The following ATXN10 variants were observed in gnomAD, a reference collection of about 807,000 sequenced individuals.
The protein encoded by ATXN10 is ataxin-10.
In ATXN10, 28 loss-of-function variants were observed where a neutral mutation model predicts 52.9. The observed-to-expected ratio is 0.53, with a 90% CI of 0.39 to 0.73. The LOEUF (loss-of-function observed/expected upper bound fraction) is 0.73. Ranked by LOEUF, ATXN10 falls within the 30% of genes least tolerant of loss-of-function variation. The probability of loss-of-function intolerance (pLI) is 0.00; values close to 1 mark genes in which losing one functional copy is unlikely to be tolerated. For missense variants in ATXN10, 565 were observed against 577.0 expected, an observed-to-expected ratio of 0.98 and a Z score of 0.21; for synonymous variants, 226 against 221.5, an observed-to-expected ratio of 1.02 and a Z score of -0.18.
intron 9 of ATXN10, among the ~76,000 whole-genome samples, chr22:45,796,939 A>G (rs1470634761): frequency 6.6e-6 from 1 of 152,252 alleles, no homozygotes; most frequent in Non-Finnish European, 1.5e-5. Context: ...GGCTATATTA[A>G]TATTAGACAA....
At chr22:45,809,404 AG>A (rs1222005422) in intron 10 of ATXN10, among the ~76,000 whole-genome samples, 1 of 152,206 alleles carries the variant, frequency 6.6e-6, no homozygotes, top group Non-Finnish European at 1.5e-5. Flanking sequence ...GCATTCAATA[AG>A]GGAACAATAT....
At chr22:45,814,532 A>G (rs1432822630) in intron 10 of ATXN10, among the ~76,000 whole-genome samples, 3 of 152,234 alleles carry the variant, frequency 2.0e-5, no homozygotes, top group Non-Finnish European at 4.4e-5. Context: ...AATAGGAAGA[A>G]TTGCTTTGGA....
rs913410520 is a variant in ATXN10 at position 45,776,056 on chromosome 22, A to G, written c.1174-30903A>G. On this transcript the variant is annotated intron_variant, in intron 9 of 11. Transcript: ENST00000252934. ...GGGCTGTGCATCACCACCCTTGAGC[A>G]TGTCCTGTTACCTTTCTGAACTTTA... 3.9e-5 allele frequency among the ~76,000 whole-genome samples: 6 copies of G among 152,174 alleles called. No homozygotes were observed. The East Asian group carries it at 1.2e-3, about 29-fold the overall frequency.
chr22:45,696,418 T>C lies in ATXN10; in HGVS notation c.391+3340T>C, dbSNP rs1164159293. Among the ~76,000 whole-genome samples, 2 of 152,192 alleles carry C rather than the reference T, an allele frequency of 1.3e-5. No homozygotes were observed. Among genetic ancestry groups the C allele is most frequent in the Non-Finnish European group, 2.9e-5 (2 of 68,042 alleles). On this transcript the variant is annotated intron_variant, in intron 3 of 11. Coordinates refer to ENST00000252934, the MANE Select transcript of ATXN10 (RefSeq NM_013236.4). The surrounding 1 kb of genome is among the most constrained non-coding windows in gnomAD (Gnocchi z 4.7). Reference sequence around the variant, plus strand: ...GTGCTGTGGTGGGCGGAAGGAGGTTTCTCTTTTAATGATATATGCTAAATA... The same window carrying C: ...GTGCTGTGGTGGGCGGAAGGAGGTTCCTCTTTTAATGATATATGCTAAATA...
intron 9 of ATXN10, among the ~76,000 whole-genome samples, chr22:45,773,816 ACCAC>A (rs1161734932): frequency 6.6e-6 from 1 of 151,974 alleles, no homozygotes; most frequent in Non-Finnish European, 1.5e-5. Context: ...GAAAAACAAA[ACCAC>A]AGAAAGAAAA....
Position 45,770,325 on chromosome 22 carries a change from T to A in ATXN10, c.1173+29787T>A, listed in dbSNP as rs541510032. 7.9e-5 allele frequency among the ~76,000 whole-genome samples: 12 copies of A among 152,274 alleles called. No homozygotes were observed. The highest frequency in any genetic ancestry group is 4.2e-4 in the South Asian group (2 of 4,816). On this transcript the variant is annotated intron_variant, in intron 9 of 11. Transcript: ENST00000252934. This position sits in a 1 kb window ranked among gnomAD's most constrained non-coding sequence, Gnocchi z 4.5. ...TCTTTGGTCATAGTGAGAATTTTTT[T>A]AAAATGAGACAGGATGAGGACACAT...
intron 9 of ATXN10, among the ~76,000 whole-genome samples, chr22:45,767,990 A>G (rs1002670897): frequency 6.6e-6 from 1 of 152,240 alleles, no homozygotes; most frequent in Non-Finnish European, 1.5e-5. Flanking sequence ...GCTGTTAGAC[A>G]GCAAGAATTT....
intron 10 of ATXN10, among the ~76,000 whole-genome samples, chr22:45,809,115 C>CTA (rs1282002914): frequency 2.6e-5 from 4 of 152,122 alleles, no homozygotes; most frequent in African/African-American, 9.7e-5. Context: ...GCCTTACAGC[C>CTA]TAGAGATTCA....
intron 9 of ATXN10, among the ~76,000 whole-genome samples, chr22:45,803,781 G>C (rs1252909150): frequency 2.0e-5 from 3 of 152,102 alleles, no homozygotes; most frequent in Non-Finnish European, 2.9e-5. Flanking sequence ...CGTGGGGCAG[G>C]TTATCAGAGG....
intron 9 of ATXN10, among the ~76,000 whole-genome samples, chr22:45,773,107 T>C (rs1480053907): frequency 6.6e-6 from 1 of 152,232 alleles, no homozygotes; most frequent in Non-Finnish European, 1.5e-5. Flanking sequence ...GGAGCTACTG[T>C]ACATGTTACT....
chr22:45,828,178 C>T lies in ATXN10; in HGVS notation c.1238-14813C>T, dbSNP rs569817889. The stretch of plus-strand genomic sequence containing the variant: ...CCTGCCTGGGCAACATGGTGAAGCC[C>T]CATCTCTATTAAAAACTTTAAAAAA... On this transcript the variant is annotated intron_variant, in intron 10 of 11. Transcript: ENST00000252934. This position sits in a 1 kb window ranked among gnomAD's most constrained non-coding sequence, Gnocchi z 4.5. Among the ~76,000 whole-genome samples the T allele has an allele frequency of 2.0e-5, 3 of 150,806 alleles. No individual in the cohort carries two copies. The South Asian group carries it at 6.3e-4, about 32-fold the overall frequency.
rs534215313 is a variant in ATXN10 at position 45,707,660 on chromosome 22, A to G, written c.647+4813A>G. 7.4e-5 allele frequency among the ~76,000 whole-genome samples: 11 copies of G among 149,624 alleles called. No individual in the cohort carries two copies. In the South Asian group the frequency reaches 1.7e-3, roughly 23 times the overall value. On this transcript the variant is annotated intron_variant, in intron 5 of 11. Transcript: ENST00000252934. ...AATATAATATAATATGATATAATATAATATAATATATAAATAGCTCAAGTT... is the reference window on the plus strand; with the variant it reads ...AATATAATATAATATGATATAATATGATATAATATATAAATAGCTCAAGTT...
intron 9 of ATXN10, among the ~76,000 whole-genome samples, chr22:45,799,152 C>T (rs914173377): frequency 6.6e-6 from 1 of 151,730 alleles, no homozygotes; most frequent in African/African-American, 2.4e-5. Context: ...CTCACTGCAA[C>T]CCCCGCCTCC....
intron 9 of ATXN10, among the ~76,000 whole-genome samples, chr22:45,764,458 G>C (rs928962303): frequency 6.6e-6 from 1 of 152,226 alleles, no homozygotes; most frequent in Non-Finnish European, 1.5e-5. Flanking sequence ...TCTCCCTTGC[G>C]TCTGGCTAAT....
rs1183766893 is a variant in ATXN10 at position 45,833,292 on chromosome 22, G to C, written c.1238-9699G>C. Among the ~76,000 whole-genome samples the C allele has an allele frequency of 2.6e-5, 4 of 152,130 alleles. No homozygotes were observed. Among genetic ancestry groups the C allele is most frequent in the Non-Finnish European group, 2.9e-5 (2 of 68,026 alleles). On this transcript the variant is annotated intron_variant, in intron 10 of 11. Transcript: ENST00000252934. This position sits in a 1 kb window ranked among gnomAD's most constrained non-coding sequence, Gnocchi z 4.3. Reference sequence around the variant, plus strand: ...CTGCTGAAGGCGTCGGGGGAGGTGGGGTGAGGAGGCAGGTCAGGATGGCCA... The same window carrying C: ...CTGCTGAAGGCGTCGGGGGAGGTGGCGTGAGGAGGCAGGTCAGGATGGCCA...
intron 9 of ATXN10, among the ~76,000 whole-genome samples, chr22:45,797,958 T>C (rs1303800951): frequency 6.6e-6 from 1 of 152,200 alleles, no homozygotes; most frequent in Non-Finnish European, 1.5e-5. Flanking sequence ...ATAGATGATA[T>C]GAACAGTTTT....
Position 45,705,708 on chromosome 22 carries a change from A to G in ATXN10, c.647+2861A>G, listed in dbSNP as rs1330751963. On this transcript the variant is annotated intron_variant, in intron 5 of 11. Transcript: ENST00000252934. This position sits in a 1 kb window ranked among gnomAD's most constrained non-coding sequence, Gnocchi z 5.2. ...CTCAGCCTCCCAAAGTGCTGGGATT[A>G]CAGGCGTGAGCCACCGCGCCCGGCC... Among the ~76,000 whole-genome samples the G allele has an allele frequency of 6.6e-6, 1 of 152,152 alleles. No homozygotes were observed. The highest frequency in any genetic ancestry group is 2.4e-5 in the African/African-American group (1 of 41,440).
intron 9 of ATXN10, among the ~76,000 whole-genome samples, chr22:45,751,475 A>G (rs528523163): frequency 6.6e-6 from 1 of 152,216 alleles, no homozygotes; most frequent in South Asian, 2.1e-4. Flanking sequence ...AGATGGAAAT[A>G]TAAAGATCAT....
At chr22:45,749,760 C>G (rs1414002437) in intron 9 of ATXN10, among the ~76,000 whole-genome samples, 2 of 152,008 alleles carry the variant, frequency 1.3e-5, no homozygotes, top group Non-Finnish European at 2.9e-5. Context: ...AAAACAGGGT[C>G]TTACTGTGTT....
Sources: gnomAD v4.1 joint callset for allele counts (sites outside exome capture counted in the v4.1 genomes callset) on GRCh38, gnomAD v4.1.1 for gene constraint, Gnocchi (gnomAD v3.1) non-coding constraint, MANE v1.5 for transcripts, NCBI Gene and HGNC (gene_info 2026-07-23, HGNC 2026-07-21) for gene names.